TMEM132C: variants seen among roughly 807,000 people sequenced by gnomAD.
TMEM132C encodes protein phosphatase 1, regulatory subunit 152.
A neutral mutation model predicts 61.4 loss-of-function variants in TMEM132C; 29 were observed. The ratio of observed to expected loss-of-function variants is 0.47; its 90% CI spans 0.35 to 0.64. The LOEUF (loss-of-function observed/expected upper bound fraction) is 0.64. TMEM132C is among the 30% of genes least tolerant of loss of function. The pLI, the probability that TMEM132C is intolerant of heterozygous loss-of-function variation, is 0.00. For synonymous variants in TMEM132C, 656 were observed against 633.1 expected, an observed-to-expected ratio of 1.04 and a Z score of -0.54; for missense variants, 1,408 against 1,476.9, an observed-to-expected ratio of 0.95 and a Z score of 0.76.
At chr12:128,698,662 T>G (rs1954782847) in intron 8 of TMEM132C, among the ~76,000 whole-genome samples, 1 of 152,232 alleles carries the variant, frequency 6.6e-6, no homozygotes, top group South Asian at 2.1e-4. Context: ...TGATCACTAT[T>G]TTAGTGAAAG....
chr12:128,339,084 T>C (rs867013444), intron 1 of TMEM132C, among the ~76,000 whole-genome samples: 2 of 152,264 alleles, frequency 1.3e-5, no homozygotes, highest in Middle Eastern at 3.4e-3. Flanking sequence ...CTAGCCTCTC[T>C]TCCCCTCTGC....
intron 2 of TMEM132C, among the ~76,000 whole-genome samples, chr12:128,452,514 G>A (rs1331937804): frequency 6.7e-6 from 1 of 149,552 alleles, no homozygotes; most frequent in Admixed American, 6.7e-5. Context: ...GATCCACTGT[G>A]TCTACTAAAA....
At chr12:128,515,061 G>A (rs192347071) in intron 2 of TMEM132C, among the ~76,000 whole-genome samples, 7 of 152,230 alleles carry the variant, frequency 4.6e-5, no homozygotes, top group African/African-American at 7.2e-5. Flanking sequence ...GAGATAACTC[G>A]ATCCCTAGCA....
intron 4 of TMEM132C, among the ~76,000 whole-genome samples, chr12:128,661,304 A>G (rs567879972): frequency 6.6e-6 from 1 of 152,356 alleles, no homozygotes; most frequent in South Asian, 2.1e-4. Flanking sequence ...TCAGCTGATT[A>G]TGAGCATTAG....
At chr12:128,436,393 C>T (rs1869591108) in intron 2 of TMEM132C, among the ~76,000 whole-genome samples, 2 of 152,202 alleles carry the variant, frequency 1.3e-5, no homozygotes, top group Non-Finnish European at 2.9e-5. Context: ...TTTTTGCAAT[C>T]TCCCCATCTG....
At chr12:128,348,925 CAT>C (rs1873254332) in intron 1 of TMEM132C, among the ~76,000 whole-genome samples, 1 of 152,162 alleles carries the variant, frequency 6.6e-6, no homozygotes, top group Non-Finnish European at 1.5e-5. Flanking sequence ...CCAATTATGA[CAT>C]GTTTTCTATT....
intron 2 of TMEM132C, among the ~76,000 whole-genome samples, chr12:128,475,412 T>C (rs1436298353): frequency 1.3e-5 from 2 of 151,682 alleles, no homozygotes; most frequent in Non-Finnish European, 2.9e-5. Context: ...GGGGAAGAAA[T>C]GGGGAGGGAC....
intron 1 of TMEM132C, among the ~76,000 whole-genome samples, chr12:128,339,802 C>G (rs895883748): frequency 2.0e-5 from 3 of 152,108 alleles, no homozygotes; most frequent in African/African-American, 7.2e-5. Context: ...TCTTCTCATT[C>G]CAGGCAACTT....
At chr12:128,295,180 T>C (rs1871367695) in intron 1 of TMEM132C, among the ~76,000 whole-genome samples, 1 of 152,178 alleles carries the variant, frequency 6.6e-6, no homozygotes, top group Non-Finnish European at 1.5e-5. Context: ...AATAAATTTA[T>C]ATTATGTTTG....
intron 2 of TMEM132C, among the ~76,000 whole-genome samples, chr12:128,458,302 T>TAGA (rs1870417204): frequency 6.8e-6 from 1 of 147,752 alleles, no homozygotes; most frequent in Non-Finnish European, 1.5e-5. Context: ...ATTATATAAT[T>TAGA]ATACTAAAAT....
intron 1 of TMEM132C, among the ~76,000 whole-genome samples, chr12:128,377,922 A>C (rs937329498): frequency 1.3e-5 from 2 of 152,082 alleles, no homozygotes; most frequent in Non-Finnish European, 2.9e-5. Context: ...TGATGTTTCC[A>C]ACTCTGTATC....
chr12:128,560,931 C>G (rs143335091), intron 3 of TMEM132C, among the ~76,000 whole-genome samples: 2 of 152,260 alleles, frequency 1.3e-5, no homozygotes, highest in East Asian at 3.9e-4. Flanking sequence ...AGCCTGTTGT[C>G]CCACCGTACA....
At chr12:128,363,861 A>G (rs79748803) in intron 1 of TMEM132C, among the ~76,000 whole-genome samples, 2 of 151,418 alleles carry the variant, frequency 1.3e-5, no homozygotes, top group East Asian at 1.9e-4. Context: ...AAAAAAAAAA[A>G]AAGAAGATGG....
At chr12:128,307,426 GA>G (rs71069555) in intron 1 of TMEM132C, among the ~76,000 whole-genome samples, 8,928 of 143,402 alleles carry the variant, frequency 0.062, 702 homozygotes, top group African/African-American at 0.2. Context: ...CTCCAGATTT[GA>G]AAAAAAAAAA....
intron 4 of TMEM132C, among the ~76,000 whole-genome samples, chr12:128,638,583 C>A (rs1328763100): frequency 6.6e-6 from 1 of 152,138 alleles, no homozygotes; most frequent in Non-Finnish European, 1.5e-5. Context: ...GGCATTGAGG[C>A]CTGAAGGCAG....
At chr12:128,432,054 CTT>C (rs1869409849) in intron 2 of TMEM132C, among the ~76,000 whole-genome samples, 1 of 152,182 alleles carries the variant, frequency 6.6e-6, no homozygotes, top group African/African-American at 2.4e-5. Context: ...TATAGGACGG[CTT>C]ACTAAATATT....
chr12:128,476,020 A>G (rs1431877075), intron 2 of TMEM132C, among the ~76,000 whole-genome samples: 1 of 152,218 alleles, frequency 6.6e-6, no homozygotes, highest in African/African-American at 2.4e-5. Context: ...TTGTCCAGAC[A>G]TTAAATCAAG....
chr12:128,687,385 G>T (rs181554044), intron 5 of TMEM132C, among the ~76,000 whole-genome samples: 151 of 152,254 alleles, frequency 9.9e-4, no homozygotes, highest in Middle Eastern at 3.4e-3. Context: ...CCATCCCCTA[G>T]ATACCGGTTG....
Position 128,663,818 on chromosome 12 carries a change from C to A in TMEM132C, c.1306-5599C>A, listed in dbSNP as rs1260380625. On this transcript the variant is annotated intron_variant, in intron 4 of 8. Transcript: ENST00000435159. ...CACTCACACATACAGGCACATGCAC[C>A]CACATACAGGCACACCCACCCACAT... Among the ~76,000 whole-genome samples the A allele has an allele frequency of 5.9e-5, 9 of 151,628 alleles. No homozygotes were observed. The East Asian group carries it at 1.7e-3, about 29-fold the overall frequency.
Sources: allele counts gnomAD v4.1 joint callset (sites outside exome capture counted in the v4.1 genomes callset), GRCh38; gene constraint gnomAD v4.1.1; transcripts MANE v1.5; gene names NCBI Gene and HGNC (gene_info 2026-07-23, HGNC 2026-07-21).